The following RSPH14 variants were observed in gnomAD, a reference collection of about 807,000 sequenced individuals.
The protein encoded by RSPH14 is radial spoke head 14 homolog, also known as rhabdoid tumor deletion region gene 1.
A neutral mutation model predicts 26.7 loss-of-function variants in RSPH14; 20 were observed. That is an observed-to-expected ratio of 0.75 (90% CI 0.53 to 1.09). RSPH14 has a LOEUF of 1.09. RSPH14 is among the 50% of genes least tolerant of loss of function. The probability of loss-of-function intolerance (pLI) is 0.00; values close to 1 mark genes in which losing one functional copy is unlikely to be tolerated. For synonymous variants in RSPH14, 177 were observed against 189.3 expected (o/e 0.93, Z 0.53); for missense variants, 449 against 457.2 (o/e 0.98, Z 0.16).
At chr22:23,078,439 C>T (rs969743146) in intron 4 of RSPH14, among the ~76,000 whole-genome samples, 1 of 152,200 alleles carries the variant, frequency 6.6e-6, no homozygotes, top group East Asian at 1.9e-4. Context: ...CTTGTCCCCC[C>T]AACACTGCCC....
chr22:23,156,752 C>T, the RSPH14 span, among the ~76,000 whole-genome samples: 1 of 152,248 alleles, frequency 6.6e-6, no homozygotes, highest in Non-Finnish European at 1.5e-5. Context: ...AGCCCTCAGC[C>T]GTGGGTTGGA....
chr22:23,146,602 C>A, upstream of RSPH14: 1 of 1,613,820 alleles, frequency 6.2e-7, no homozygotes, highest in Non-Finnish European at 8.5e-7. Flanking sequence ...GTTGGGTCCA[C>A]AGGACTGTGG....
At chr22:23,162,537 G>T in the RSPH14 span, 1 of 430,526 alleles carries the variant, frequency 2.3e-6, no homozygotes, top group South Asian at 1.7e-5. Flanking sequence ...GCCAAGTCTA[G>T]CATGTTCCTG....
intron 2 of RSPH14, among the ~76,000 whole-genome samples, chr22:23,139,359 G>A (rs1038952212): frequency 7.9e-5 from 12 of 152,348 alleles, no homozygotes; most frequent in Non-Finnish European, 1.3e-4. Flanking sequence ...GGTGGCTTAC[G>A]CCTGTAATCC....
intron 4 of RSPH14, among the ~76,000 whole-genome samples, chr22:23,103,570 T>TTGCC (rs2069368174): frequency 6.6e-6 from 1 of 152,092 alleles, no homozygotes; most frequent in Non-Finnish European, 1.5e-5. Flanking sequence ...GGCTCTTCAC[T>TTGCC]TGCCTGCCTC....
chr22:23,156,553 C>G, the RSPH14 span, among the ~76,000 whole-genome samples: 9 of 152,294 alleles, frequency 5.9e-5, no homozygotes, highest in East Asian at 3.9e-4. Context: ...GCATAAGCTC[C>G]GGATGCCTAC....
the RSPH14 span, among the ~76,000 whole-genome samples, chr22:23,167,706 AAT>A: frequency 6.9e-6 from 1 of 145,112 alleles, no homozygotes; most frequent in African/African-American, 2.8e-5. Flanking sequence ...TTTTTTAATT[AAT>A]TTATTTTTTT....
chr22:23,059,686 C>A lies in RSPH14; in HGVS notation c.823G>T (p.Gly275Cys). The A allele has an allele frequency of 7.0e-6, 11 of 1,560,682 alleles. No homozygotes were observed. The highest frequency in any genetic ancestry group is 9.5e-6 in the Non-Finnish European group (11 of 1,152,988). Reference sequence around the variant, plus strand: ...GAGTGCAGCAGCTCCAGGAGCAGGCCGATGGCTTGTGCCTCCAGGGCCGCA... The same window carrying A: ...GAGTGCAGCAGCTCCAGGAGCAGGCAGATGGCTTGTGCCTCCAGGGCCGCA... ...KYAALEAQAI[G>C]LLLELLHSPM... The change falls in exon 7 of 7, where the codon GGC (glycine) becomes TGC (cysteine). Residue 275 changes from glycine to cysteine, a missense_variant. Gly to Cys is a radical substitution (Grantham distance 159, BLOSUM62 -3). Transcript: ENST00000216036.
At chr22:23,092,052 G>A (rs1180132943) in intron 4 of RSPH14, among the ~76,000 whole-genome samples, 1 of 152,194 alleles carries the variant, frequency 6.6e-6, no homozygotes, top group African/African-American at 2.4e-5. Flanking sequence ...CAGAGGCACT[G>A]TGGTGGGGGG....
chr22:23,145,205 C>T (rs2070696369), upstream of RSPH14: 2 of 691,336 alleles, frequency 2.9e-6, no homozygotes, highest in South Asian at 3.6e-5. Context: ...ACGGTCAGCC[C>T]CACCCAGGGC....
chr22:23,142,115 G>T, upstream of RSPH14: 1 of 822,418 alleles, frequency 1.2e-6, no homozygotes, highest in Non-Finnish European at 1.5e-6. Context: ...GCGGCCGGCT[G>T]CAAAGCGGGA....
intron 4 of RSPH14, among the ~76,000 whole-genome samples, chr22:23,075,150 A>T (rs926315386): frequency 4.6e-5 from 7 of 152,108 alleles, no homozygotes; most frequent in Admixed American, 3.9e-4. Flanking sequence ...GTGGAGAAGG[A>T]AGGCCTGGAG....
the RSPH14 span, chr22:23,180,401 CA>C: frequency 1.2e-5 from 2 of 169,352 alleles, no homozygotes; most frequent in African/African-American, 2.4e-5. Context: ...GAGCCGCCTC[CA>C]GGGGGCCCCC....
Position 23,124,089 on chromosome 22 carries a change from C to T in RSPH14, c.421+9937G>A, listed in dbSNP as rs189192887. 27 of 217,706 alleles carry T rather than the reference C, an allele frequency of 1.2e-4. No homozygotes were observed. In the East Asian group the frequency reaches 2.6e-3, roughly 21 times the overall value. 13.5% of individuals were successfully genotyped at this position (217,706 alleles called of 1,614,324 possible). A position where few individuals can be genotyped will look rare whatever the true frequency, so the allele number is the denominator to read the frequency against. ...TGCAGCAAAAACCAATACAACAAAACGAGTGGCACGATTTATTTCAAACTA... is the reference window on the plus strand; with the variant it reads ...TGCAGCAAAAACCAATACAACAAAATGAGTGGCACGATTTATTTCAAACTA... On this transcript the variant is annotated intron_variant, in intron 4 of 6. Transcript: ENST00000216036.
chr22:23,115,673 C>G (rs1216501498), intron 4 of RSPH14, among the ~76,000 whole-genome samples: 1 of 152,210 alleles, frequency 6.6e-6, no homozygotes, highest in African/African-American at 2.4e-5. Flanking sequence ...GCATGAGGCC[C>G]TGAGCACTGC....
At chr22:23,131,820 C>T (rs1356153322) in intron 4 of RSPH14, 3 of 440,092 alleles carry the variant, frequency 6.8e-6, no homozygotes, top group Non-Finnish European at 1.4e-5. Context: ...TGTGCAGGGC[C>T]CCACCCCCAG....
At position 23,128,188 on chromosome 22, in the gene RSPH14, T is replaced by C. The variant is rs1448260415; in HGVS notation, c.421+5838A>G. 2.0e-5 allele frequency among the ~76,000 whole-genome samples: 3 copies of C among 152,320 alleles called. No individual in the cohort carries two copies. The South Asian group carries it at 6.2e-4, about 32-fold the overall frequency. ...GTTCAACTGCACCCCAAAATCTGGT[T>C]AGAGAAGAATTGTCAATTTCAGCCA... is the stretch of plus-strand genomic sequence containing the variant. On this transcript the variant is annotated intron_variant, in intron 4 of 6. Transcript: ENST00000216036.
the RSPH14 span, chr22:23,161,524 C>T: frequency 1.5e-5 from 24 of 1,612,986 alleles, no homozygotes; most frequent in Non-Finnish European, 2.0e-5. Flanking sequence ...CCGCCCGAGA[C>T]CCAGGAGAGC....
the RSPH14 span, among the ~76,000 whole-genome samples, chr22:23,177,843 G>C: frequency 6.6e-6 from 1 of 152,318 alleles, no homozygotes; most frequent in Non-Finnish European, 1.5e-5. Context: ...CTGTTACCCA[G>C]GCTGGAGTGC....
Sources: allele counts gnomAD v4.1 joint callset (sites outside exome capture counted in the v4.1 genomes callset), GRCh38; gene constraint gnomAD v4.1.1; transcripts MANE v1.5; gene names NCBI Gene and HGNC (gene_info 2026-07-23, HGNC 2026-07-21).